Variants in PRKCB observed in about 807,000 individuals in gnomAD.
PRKCB encodes protein kinase C beta type.
Under a neutral mutation model 81.5 loss-of-function variants are expected in PRKCB, and 13 were observed. The observed-to-expected ratio is 0.16, with a 90% CI of 0.10 to 0.25. The LOEUF (loss-of-function observed/expected upper bound fraction) is 0.25. Ranked by LOEUF, PRKCB falls within the 10% of genes least tolerant of loss-of-function variation. The probability of loss-of-function intolerance (pLI) is 1.00; values close to 1 mark genes in which losing one functional copy is unlikely to be tolerated. For missense variants in PRKCB, 509 were observed against 875.7 expected (o/e 0.58, Z 5.29); for synonymous variants, 335 against 321.4 (o/e 1.04, Z -0.45).
chr16:24,078,450 A>T (rs12921419), intron 5 of PRKCB, among the ~76,000 whole-genome samples: 6 of 152,332 alleles, frequency 3.9e-5, no homozygotes, highest in South Asian at 2.1e-4. Flanking sequence ...AACTTATTGG[A>T]TGCCTGACTC....
chr16:24,201,910 C>T (rs893495813), intron 16 of PRKCB, among the ~76,000 whole-genome samples: 3 of 152,006 alleles, frequency 2.0e-5, no homozygotes, highest in African/African-American at 7.2e-5. Context: ...GTGGCGGGCA[C>T]CTGTAGTCCC....
intron 2 of PRKCB, among the ~76,000 whole-genome samples, chr16:23,946,695 CG>C (rs1964207461): frequency 6.6e-6 from 1 of 151,962 alleles, no homozygotes; most frequent in East Asian, 1.9e-4. Flanking sequence ...CAAACTTTAG[CG>C]TGCAGAAGAA....
intron 5 of PRKCB, among the ~76,000 whole-genome samples, chr16:24,036,809 T>C (rs560158865): frequency 6.6e-6 from 1 of 152,276 alleles, no homozygotes; most frequent in Admixed American, 6.5e-5. Flanking sequence ...TCCCCACTGA[T>C]TGAGGTTCCC....
chr16:23,862,284 C>T (rs1962681641), intron 2 of PRKCB, among the ~76,000 whole-genome samples: 1 of 152,202 alleles, frequency 6.6e-6, no homozygotes, highest in Non-Finnish European at 1.5e-5. Flanking sequence ...TTCTTTGGGA[C>T]TGCCCCATGC....
chr16:24,196,727 G>A (rs1351948829), intron 16 of PRKCB, among the ~76,000 whole-genome samples: 1 of 152,190 alleles, frequency 6.6e-6, no homozygotes, highest in Admixed American at 6.5e-5. Context: ...TGTGGGGCCA[G>A]GGACTCCACC....
intron 2 of PRKCB, among the ~76,000 whole-genome samples, chr16:23,847,362 A>G (rs774303857): frequency 2.3e-5 from 2 of 86,262 alleles, no homozygotes; most frequent in Non-Finnish European, 2.6e-5. Context: ...CTATCTATCT[A>G]TCTATCTATC....
chr16:23,954,424 G>A (rs760064472), intron 2 of PRKCB, among the ~76,000 whole-genome samples: 12 of 152,174 alleles, frequency 7.9e-5, no homozygotes, highest in Non-Finnish European at 1.3e-4. Context: ...TGGGCTCCTC[G>A]GGCTCTTGCC....
chr16:23,970,954 A>G (rs975377661), intron 2 of PRKCB, among the ~76,000 whole-genome samples: 1 of 152,174 alleles, frequency 6.6e-6, no homozygotes, highest in Non-Finnish European at 1.5e-5. Flanking sequence ...GGCTTGACCA[A>G]CCTCTAGAGT....
Position 24,148,465 on chromosome 16 carries a change from A to G in PRKCB, c.1066-6219A>G, listed in dbSNP as rs140304923. On this transcript the variant is annotated intron_variant, in intron 9 of 16. Coordinates refer to ENST00000643927, the MANE Select transcript of PRKCB (RefSeq NM_002738.7). The stretch of plus-strand genomic sequence containing the variant: ...TCTGACACATCCTAGACCCTAAATT[A>G]ATGTTAACTGAAAGAATTGTCTAGT... Among the ~76,000 whole-genome samples the G allele has an allele frequency of 7.4e-4, 112 of 152,296 alleles. No individual in the cohort carries two copies. In the Middle Eastern group the frequency reaches 0.014, roughly 19 times the overall value.
chr16:23,836,768 C>CGGGGGGG (rs71154241), intron 1 of PRKCB, among the ~76,000 whole-genome samples: 3 of 141,986 alleles, frequency 2.1e-5, no homozygotes, highest in South Asian at 4.7e-4. Context: ...CCCTTGTTTC[C>CGGGGGGG]GGGGGGGGCG....
In PRKCB at chr16:23,900,718, G is replaced by GTTTTTTTTTTTTT. The variant is rs56897816; in HGVS notation, c.205+63332_205+63344dup. 5.9e-4 allele frequency among the ~76,000 whole-genome samples: 37 copies of GTTTTTTTTTTTTT among 62,268 alleles called. 4 individuals carry two copies. The highest frequency in any genetic ancestry group is 2.5e-3 in the African/African-American group (36 of 14,278). 40.9% of individuals were successfully genotyped at this position (62,268 alleles called of 152,430 possible). On this transcript the variant is annotated intron_variant, in intron 2 of 16. Transcript: ENST00000643927. ...CTCATTCATTTTAACAGCTGCACAGGTTTTTTTTTTTTTTTTTTTTTTTTT... is the reference window on the plus strand; with the variant it reads ...CTCATTCATTTTAACAGCTGCACAGGTTTTTTTTTTTTTTTTTTTTTTTTTTTTTTTTTTTTTT...
intron 5 of PRKCB, among the ~76,000 whole-genome samples, chr16:24,067,388 C>A (rs1480718753): frequency 6.6e-6 from 1 of 152,038 alleles, no homozygotes; most frequent in Non-Finnish European, 1.5e-5. Context: ...CAGCCTCTAC[C>A]TCCTGGGCTC....
intron 3 of PRKCB, among the ~76,000 whole-genome samples, chr16:23,997,120 T>C (rs1291050694): frequency 6.6e-6 from 1 of 152,192 alleles, no homozygotes; most frequent in Non-Finnish European, 1.5e-5. Context: ...ATGATTCTAT[T>C]GATAGTTAAC....
chr16:23,882,319 A>G (rs1341286860), intron 2 of PRKCB, among the ~76,000 whole-genome samples: 1 of 152,042 alleles, frequency 6.6e-6, no homozygotes, highest in Non-Finnish European at 1.5e-5. Context: ...CCTGGCCTCA[A>G]GAGATCCTCC....
intron 2 of PRKCB, among the ~76,000 whole-genome samples, chr16:23,918,048 T>A (rs925505515): frequency 6.6e-6 from 1 of 152,096 alleles, no homozygotes; most frequent in Non-Finnish European, 1.5e-5. Flanking sequence ...ATGAATAAAA[T>A]GGGGTTTATC....
At chr16:24,013,859 C>A (rs532027761) in intron 3 of PRKCB, among the ~76,000 whole-genome samples, 1 of 151,572 alleles carries the variant, frequency 6.6e-6, no homozygotes, top group East Asian at 1.9e-4. Context: ...CTTGTCTATG[C>A]GGGCCTGCTG....
chr16:24,166,053 AT>A (rs1484868947), intron 10 of PRKCB, among the ~76,000 whole-genome samples: 2 of 151,544 alleles, frequency 1.3e-5, no homozygotes, highest in African/African-American at 4.8e-5. Context: ...TACCTGGCTA[AT>A]TTTTGTATTT....
intron 3 of PRKCB, among the ~76,000 whole-genome samples, chr16:24,023,699 G>T (rs1965438935): frequency 6.6e-6 from 1 of 152,146 alleles, no homozygotes; most frequent in Non-Finnish European, 1.5e-5. Flanking sequence ...TGCATGCCCT[G>T]GCACTACTGT....
intron 5 of PRKCB, among the ~76,000 whole-genome samples, chr16:24,073,277 G>A (rs1966136915): frequency 6.6e-6 from 1 of 152,172 alleles, no homozygotes; most frequent in Admixed American, 6.5e-5. Context: ...CTCTCCTAAA[G>A]ATGGCCTCCC....
Sources: gnomAD v4.1 joint callset for allele counts (sites outside exome capture counted in the v4.1 genomes callset) on GRCh38, gnomAD v4.1.1 for gene constraint, MANE v1.5 for transcripts, NCBI Gene and HGNC (gene_info 2026-07-23, HGNC 2026-07-21) for gene names.